The following TGM3 variants were observed in gnomAD, a reference collection of about 807,000 sequenced individuals.
The protein encoded by TGM3 is transglutaminase 3, also known as protein-glutamine gamma-glutamyltransferase E.
In TGM3, 52 loss-of-function variants were observed where a neutral mutation model predicts 73.8. That is an observed-to-expected ratio of 0.70 (90% confidence interval 0.56 to 0.89). TGM3 has a LOEUF of 0.89. TGM3 is among the 40% of genes least tolerant of loss of function. The pLI is 0.00. For missense variants in TGM3, 928 were observed against 909.9 expected, an observed-to-expected ratio of 1.02 and a Z score of -0.26; for synonymous variants, 372 against 354.9, an observed-to-expected ratio of 1.05 and a Z score of -0.54.
rs539268439 is a variant in TGM3, at chr20:2,328,772, A to T, written c.1333+407A>T. On this transcript the variant is annotated intron_variant, in intron 9 of 12. Coordinates refer to ENST00000381458, the MANE Select transcript of TGM3 (RefSeq NM_003245.4). This position sits in a 1 kb window ranked among gnomAD's most constrained non-coding sequence, Gnocchi z 5.2. ...CTTAGCCTCTGAGAAACTCAGGGAG[A>T]AAACCATCTGAACGAAGAAAGGGAC... is the stretch of plus-strand genomic sequence containing the variant. Among the ~76,000 whole-genome samples, 26 of 152,358 alleles carry T rather than the reference A, an allele frequency of 1.7e-4. No individual in the cohort carries two copies. Among genetic ancestry groups the T allele is most frequent in the African/African-American group, 6.3e-4 (26 of 41,586 alleles).
At chr20:2,311,923 G>C (rs932938381) in intron 4 of TGM3, among the ~76,000 whole-genome samples, 1 of 152,174 alleles carries the variant, frequency 6.6e-6, no homozygotes, top group Non-Finnish European at 1.5e-5. Context: ...TCTTGGGAAA[G>C]AGCATCAGGC....
At chr20:2,307,149 T>C (rs2084180435) in intron 1 of TGM3, among the ~76,000 whole-genome samples, 1 of 152,240 alleles carries the variant, frequency 6.6e-6, no homozygotes, top group Non-Finnish European at 1.5e-5. Flanking sequence ...ATTTGTTAAA[T>C]GAATGAGTGA....
chr20:2,303,661 G>C (rs2084163655), intron 1 of TGM3, among the ~76,000 whole-genome samples: 1 of 152,206 alleles, frequency 6.6e-6, no homozygotes, highest in Admixed American at 6.5e-5. Flanking sequence ...CCGAGCCAGA[G>C]TGGAGCCTGG....
chr20:2,328,413 G>T lies in TGM3; in HGVS notation c.1333+48G>T, dbSNP rs2084302552. 6.2e-7 allele frequency: 1 copy of T among 1,607,168 alleles called. No homozygotes were observed. The highest frequency in any genetic ancestry group is 8.5e-7 in the Non-Finnish European group (1 of 1,175,652). ...AGTGCCGCGAGAGGTTCTATTGTGG[G>T]AGGATGGCTCTGAGGCTGGAGAGGA... On this transcript the variant is annotated intron_variant, in intron 9 of 12. Coordinates refer to ENST00000381458, the MANE Select transcript of TGM3 (RefSeq NM_003245.4). The surrounding 1 kb of genome is among the most constrained non-coding windows in gnomAD (Gnocchi z 5.2).
chr20:2,310,966 C>T (rs2084200301), intron 3 of TGM3, 45 bp from the exon 4 acceptor site: 11 of 1,552,206 alleles, frequency 7.1e-6, no homozygotes, highest in African/African-American at 1.4e-5. Flanking sequence ...CCCTACAGTC[C>T]TCCGAGGATT....
rs2084378186 is a variant in TGM3 at position 2,340,820 on chromosome 20, A to G, written c.*239A>G. The G allele has an allele frequency of 1.6e-6, 1 of 645,112 alleles. No homozygotes were observed. 40.0% of individuals were successfully genotyped at this position (645,112 alleles called of 1,614,324 possible). ...ACATTCCCTGGCCGCTTCTCCCCAG[A>G]GCTGCCTGCTCTGTGAGCCCCACAG... On this transcript the variant is annotated 3_prime_UTR_variant, in exon 13 of 13. Transcript: ENST00000381458.
chr20:2,328,276 A>G lies in TGM3; in HGVS notation c.1244A>G (p.Asn415Ser), dbSNP rs561607245. ...TTGKQWKNSV[N>S]SHTIGRYIST... is the part of the protein sequence containing the mutation. ...GGCAAACAGTGGAAGAATTCCGTGA[A>G]CAGTCACACCATTGGCAGGTACATC... Residue 415 changes from asparagine (N) to serine (S), a missense_variant, in exon 9 of 13, where the codon AAC (asparagine) becomes AGC (serine). By Grantham distance (46) the Asn-to-Ser change is conservative. Coordinates refer to ENST00000381458, the MANE Select transcript of TGM3 (RefSeq NM_003245.4). The surrounding 1 kb of genome is among the most constrained non-coding windows in gnomAD (Gnocchi z 5.2). The G allele has an allele frequency of 2.4e-5, 39 of 1,614,188 alleles. No individual in the cohort carries two copies. The Admixed American group carries it at 6.2e-4, about 26-fold the overall frequency.
At chr20:2,320,478 C>T (rs1053784918) in intron 7 of TGM3, among the ~76,000 whole-genome samples, 11 of 152,308 alleles carry the variant, frequency 7.2e-5, no homozygotes, top group African/African-American at 2.4e-4. Context: ...ACATTCTAAG[C>T]GCATAACATT....
At position 2,317,250 on chromosome 20, in the gene TGM3, C is replaced by T; in HGVS notation, c.847+5C>T. The stretch of plus-strand genomic sequence containing the variant: ...TTGCTGGGACCCTCAACACAGGTAC[C>T]TTGGGTGTGGTGTGCCTTGGCTGGG... On this transcript the variant is annotated splice_donor_5th_base_variant and intron_variant, in intron 6 of 12. Transcript: ENST00000381458. The T allele has an allele frequency of 6.2e-7, 1 of 1,614,032 alleles. No individual in the cohort carries two copies. Among genetic ancestry groups the T allele is most frequent in the Non-Finnish European group, 8.5e-7 (1 of 1,179,948 alleles).
In TGM3 at chr20:2,335,092, G is replaced by A. The variant is rs375098374; in HGVS notation, c.1643-24G>A. The A allele has an allele frequency of 5.4e-4, 865 of 1,613,662 alleles. 1 individual carries two copies. Among genetic ancestry groups the A allele is most frequent in the Admixed American group, 7.3e-4 (44 of 60,002 alleles). On this transcript the variant is annotated intron_variant, in intron 10 of 12. Transcript: ENST00000381458. ...AAGCCATCCCCACTCCCCCTCACTC[G>A]GATCCCCTGGCTTCTCCTTCCAGAG...
chr20:2,320,206 C>T (rs1402194471), intron 7 of TGM3, among the ~76,000 whole-genome samples: 2 of 152,140 alleles, frequency 1.3e-5, no homozygotes, highest in East Asian at 1.9e-4. Context: ...GCTTTAGAAC[C>T]GTGCCCAGAT....
At chr20:2,340,024 G>T in intron 12 of TGM3, 37 bp downstream of exon 12, 1 of 1,523,398 alleles carries the variant, frequency 6.6e-7, no homozygotes, top group Admixed American at 2.0e-5. Flanking sequence ...GCAGGAGGGC[G>T]GGAGGGGGCG....
chr20:2,315,856 A>T (rs142686553), intron 5 of TGM3, among the ~76,000 whole-genome samples: 172 of 152,322 alleles, frequency 1.1e-3, no homozygotes, highest in African/African-American at 4.0e-3. Flanking sequence ...TTGTAACCTC[A>T]GTGTCTCCTT....
intron 1 of TGM3, among the ~76,000 whole-genome samples, chr20:2,296,421 G>T (rs948882619): frequency 9.2e-5 from 14 of 152,156 alleles, no homozygotes; most frequent in Admixed American, 2.6e-4. Context: ...AAGCAGACAG[G>T]ACTCGGGTCT....
At chr20:2,333,659 G>C (rs986199057) in intron 10 of TGM3, among the ~76,000 whole-genome samples, 1 of 152,148 alleles carries the variant, frequency 6.6e-6, no homozygotes, top group South Asian at 2.1e-4. Flanking sequence ...GCTTCCCAAA[G>C]TGCTGGGATT....
At chr20:2,298,187 G>T (rs1027386846) in intron 1 of TGM3, among the ~76,000 whole-genome samples, 4 of 152,146 alleles carry the variant, frequency 2.6e-5, no homozygotes, top group Non-Finnish European at 4.4e-5. Context: ...CTAATTTAAG[G>T]TTCTTGTTGC....
At position 2,310,160 on chromosome 20, in the gene TGM3, C is replaced by A. The variant is rs1289197729; in HGVS notation, c.182-18C>A. The A allele has an allele frequency of 1.2e-6, 2 of 1,613,660 alleles. No individual in the cohort carries two copies. Among genetic ancestry groups the A allele is most frequent in the East Asian group, 4.5e-5 (2 of 44,856 alleles). On this transcript the variant is annotated intron_variant, in intron 2 of 12. Coordinates refer to ENST00000381458, the MANE Select transcript of TGM3 (RefSeq NM_003245.4). ...ACCAGTGCTTGTTGGTTTTCTCAAC[C>A]TCTGTCTTCTTTGACAGGGCCTTAC...
At position 2,340,717 on chromosome 20, in the gene TGM3, A is replaced by G. The variant is rs214831; in HGVS notation, c.*136A>G. ...CCAAGGCTGCCAGACATGGACCTCC[A>G]GGCTCCAGCACATCCCCCTCTCCTC... On this transcript the variant is annotated 3_prime_UTR_variant, in exon 13 of 13. Transcript: ENST00000381458. 0.64 allele frequency: 751,335 copies of G among 1,165,804 alleles called. 245,537 individuals carry two copies. Among genetic ancestry groups the G allele is most frequent in the East Asian group, 0.86 (33,638 of 38,904 alleles). The allele number at this position is 1,165,804 out of a possible 1,614,324, so 72.2% of individuals were successfully genotyped here.
intron 9 of TGM3, among the ~76,000 whole-genome samples, chr20:2,330,914 G>A (rs1355068206): frequency 7.0e-6 from 1 of 142,396 alleles, no homozygotes; most frequent in East Asian, 2.1e-4. Context: ...GCTGAAGCAG[G>A]AGAACCTCTT....
Sources: gnomAD v4.1 joint callset for allele counts (sites outside exome capture counted in the v4.1 genomes callset) on GRCh38, gnomAD v4.1.1 for gene constraint, Gnocchi (gnomAD v3.1) non-coding constraint, MANE v1.5 for transcripts, NCBI Gene and HGNC (gene_info 2026-07-23, HGNC 2026-07-21) for gene names.